Variants in CADM2 observed in about 807,000 individuals in gnomAD.
CADM2 encodes cell adhesion molecule 2, also known as immunoglobulin superfamily member 4D.
Under a neutral mutation model 49.8 loss-of-function variants are expected in CADM2, and 12 were observed. The ratio of observed to expected loss-of-function variants is 0.24; its 90% CI spans 0.15 to 0.39. The LOEUF is 0.39. CADM2 is among the 10% of genes least tolerant of loss of function. The pLI is 1.00. For synonymous variants in CADM2, 214 were observed against 175.4 expected (o/e 1.22, Z -1.74); for missense variants, 378 against 492.3 (o/e 0.77, Z 2.20).
At chr3:86,030,555 GT>G (rs1345971487) in intron 8 of CADM2, among the ~76,000 whole-genome samples, 2 of 151,910 alleles carry the variant, frequency 1.3e-5, no homozygotes, top group Non-Finnish European at 2.9e-5. Context: ...AAATATGAAT[GT>G]TAAATTGGTT....
rs1297879930 is a variant in CADM2, at chr3:86,061,638, T to C, written c.971-3967T>C. 2.6e-5 allele frequency among the ~76,000 whole-genome samples: 4 copies of C among 152,134 alleles called. No individual in the cohort carries two copies. In the South Asian group the frequency reaches 8.3e-4, roughly 31 times the overall value. On this transcript the variant is annotated intron_variant, in intron 8 of 9. Coordinates refer to ENST00000383699, the MANE Select transcript of CADM2 (RefSeq NM_001167675.2). Reference sequence around the variant, plus strand: ...GACCCACAAGCCACGTGTCATAACATAATAATTTAATGGATTTGATTACAT... The same window carrying C: ...GACCCACAAGCCACGTGTCATAACACAATAATTTAATGGATTTGATTACAT...
intron 9 of CADM2, among the ~76,000 whole-genome samples, chr3:86,066,296 G>A (rs1739304109): frequency 8.3e-6 from 1 of 120,752 alleles, no homozygotes. Context: ...TCGTGCCACT[G>A]CACTCCAGCC....
chr3:85,192,136 G>A (rs1368509804), intron 1 of CADM2, among the ~76,000 whole-genome samples: 1 of 151,810 alleles, frequency 6.6e-6, no homozygotes, highest in African/African-American at 2.4e-5. Context: ...CTAGAAAGAA[G>A]CATAGAGATT....
chr3:85,775,529 G>A (rs532851135), intron 2 of CADM2, among the ~76,000 whole-genome samples: 96 of 151,698 alleles, frequency 6.3e-4, no homozygotes, highest in African/African-American at 2.3e-3. Flanking sequence ...AAATCCACTC[G>A]GAATGATTTA....
chr3:85,652,006 A>T (rs2065057238), intron 1 of CADM2, among the ~76,000 whole-genome samples: 1 of 31,540 alleles, frequency 3.2e-5, no homozygotes. Flanking sequence ...TTAATTAGAG[A>T]CGGGTTTTCA....
intron 1 of CADM2, among the ~76,000 whole-genome samples, chr3:85,485,169 G>A (rs949603150): frequency 2.0e-5 from 3 of 151,544 alleles, no homozygotes; most frequent in Admixed American, 6.6e-5. Flanking sequence ...TCCATCACAA[G>A]TTTAGGTACA....
intron 1 of CADM2, among the ~76,000 whole-genome samples, chr3:85,252,142 CTCTT>C (rs1406007880): frequency 6.6e-6 from 1 of 151,958 alleles, no homozygotes; most frequent in Non-Finnish European, 1.5e-5. Flanking sequence ...TTCTCATCAT[CTCTT>C]TGTTTTTGTT....
At chr3:85,599,652 C>A (rs1005189785) in intron 1 of CADM2, among the ~76,000 whole-genome samples, 31 of 150,948 alleles carry the variant, frequency 2.1e-4, no homozygotes, top group African/African-American at 7.3e-4. Context: ...AAAATTATAT[C>A]CCCTAAAAAT....
At chr3:85,805,539 A>C (rs1261249904) in intron 3 of CADM2, 2 of 152,010 alleles carry the variant, frequency 1.3e-5, no homozygotes, top group Non-Finnish European at 2.9e-5. Context: ...AGAGTGGTTC[A>C]ATTTCTATGT....
chr3:85,276,625 T>C (rs1196185179), intron 1 of CADM2, among the ~76,000 whole-genome samples: 1 of 151,188 alleles, frequency 6.6e-6, no homozygotes, highest in Non-Finnish European at 1.5e-5. Flanking sequence ...TAGGCTAATG[T>C]AAATGTAAGT....
intron 1 of CADM2, among the ~76,000 whole-genome samples, chr3:85,467,988 A>G (rs2038581019): frequency 6.6e-6 from 1 of 151,710 alleles, no homozygotes; most frequent in Non-Finnish European, 1.5e-5. Flanking sequence ...CCCCGTCTCT[A>G]CTAAAAATAC....
chr3:85,095,808 G>T (rs2037773613), intron 1 of CADM2, among the ~76,000 whole-genome samples: 1 of 151,898 alleles, frequency 6.6e-6, no homozygotes, highest in African/African-American at 2.4e-5. Context: ...AAATTTTCTT[G>T]AGCACATCTG....
intron 1 of CADM2, among the ~76,000 whole-genome samples, chr3:85,127,801 T>C (rs914537852): frequency 1.7e-4 from 26 of 152,140 alleles, no homozygotes; most frequent in African/African-American, 5.8e-4. Flanking sequence ...CATATTTGAT[T>C]TTAGAGTTTC....
intron 1 of CADM2, among the ~76,000 whole-genome samples, chr3:85,074,463 G>T (rs902689279): frequency 1.3e-5 from 2 of 151,720 alleles, no homozygotes; most frequent in Non-Finnish European, 2.9e-5. Flanking sequence ...CCCTTATGTT[G>T]TTTATTTTCT....
At chr3:85,755,343 A>G (rs1011360321) in intron 2 of CADM2, among the ~76,000 whole-genome samples, 3 of 152,312 alleles carry the variant, frequency 2.0e-5, no homozygotes. Context: ...AGGAATAGCC[A>G]AATGGAAAAG....
intron 1 of CADM2, among the ~76,000 whole-genome samples, chr3:85,102,630 G>T (rs1158220256): frequency 6.6e-6 from 1 of 152,130 alleles, no homozygotes; most frequent in East Asian, 1.9e-4. Context: ...GATAAAACAT[G>T]CTGATTTCTC....
intron 1 of CADM2, among the ~76,000 whole-genome samples, chr3:85,316,056 A>G (rs546292530): frequency 6.6e-6 from 1 of 152,274 alleles, no homozygotes; most frequent in East Asian, 1.9e-4. Flanking sequence ...ACAGTAATCC[A>G]TATTAGTTTT....
chr3:85,772,810 T>TC (rs1204629487), intron 2 of CADM2, among the ~76,000 whole-genome samples: 4 of 150,236 alleles, frequency 2.7e-5, no homozygotes, highest in Non-Finnish European at 4.5e-5. Context: ...TTTTTTTTTT[T>TC]CCCTCACAGC....
At chr3:85,969,821 TTCTG>T (rs975241985) in intron 8 of CADM2, among the ~76,000 whole-genome samples, 5 of 151,284 alleles carry the variant, frequency 3.3e-5, no homozygotes, top group African/African-American at 1.2e-4. Context: ...TTAAATCTGT[TTCTG>T]TCTGTCTCTC....
Sources: allele counts gnomAD v4.1 joint callset (sites outside exome capture counted in the v4.1 genomes callset), GRCh38; gene constraint gnomAD v4.1.1; transcripts MANE v1.5; gene names NCBI Gene and HGNC (gene_info 2026-07-23, HGNC 2026-07-21).